Variants in STPG2 observed in about 807,000 individuals in gnomAD.
STPG2 encodes the protein sperm-tail PG-rich repeat-containing protein 2.
Under a neutral mutation model 54.2 loss-of-function variants are expected in STPG2, and 56 were observed. The ratio of observed to expected loss-of-function variants is 1.03; its 90% confidence interval spans 0.83 to 1.29. STPG2 has a LOEUF of 1.29. Ranked by LOEUF, STPG2 falls within the 50% of genes most tolerant of loss-of-function variation. The probability of loss-of-function intolerance (pLI) is 0.00; values close to 1 mark genes in which losing one functional copy is unlikely to be tolerated. For missense variants in STPG2, 596 were observed against 544.9 expected, an observed-to-expected ratio of 1.09 and a Z score of -0.93; for synonymous variants, 200 against 181.8, an observed-to-expected ratio of 1.10 and a Z score of -0.81.
intron 8 of STPG2, among the ~76,000 whole-genome samples, chr4:97,888,136 G>A (rs1730646451): frequency 6.6e-6 from 1 of 152,190 alleles, no homozygotes; most frequent in Non-Finnish European, 1.5e-5. Flanking sequence ...AGCCTCAAAG[G>A]GAACCCCTAC....
chr4:98,080,033 TTACATTA>T (rs1738295563), intron 5 of STPG2, among the ~76,000 whole-genome samples: 1 of 152,094 alleles, frequency 6.6e-6, no homozygotes, highest in African/African-American at 2.4e-5. Flanking sequence ...AAAATATGTA[TTACATTA>T]TACCTAAGCT....
chr4:97,568,900 GTT>G lies in STPG2; in HGVS notation c.1321-9785_1321-9784del, dbSNP rs70953073. Among the ~76,000 whole-genome samples the G allele has an allele frequency of 1.2e-4, 17 of 143,792 alleles. No homozygotes were observed. In the Middle Eastern group the frequency reaches 0.014, roughly 121 times the overall value. The allele number at this position is 143,792 out of a possible 152,430, so 94.3% of individuals were successfully genotyped here. A position where few individuals can be genotyped will look rare whatever the true frequency, so the allele number is the denominator to read the frequency against. On this transcript the variant is annotated intron_variant, in intron 10 of 10. Coordinates refer to ENST00000295268, the MANE Select transcript of STPG2 (RefSeq NM_174952.3). ...TTTTCTTTCTTTTGTTTTTTGTTTT[GTT>G]TTTTTTTTTGTTTGTTTGTTTTGTT...
chr4:97,765,111 G>T (rs1206166846), intron 9 of STPG2, among the ~76,000 whole-genome samples: 1 of 152,056 alleles, frequency 6.6e-6, no homozygotes. Context: ...TTTTTGGAAT[G>T]GTCATGAGGA....
intron 5 of STPG2, among the ~76,000 whole-genome samples, chr4:98,043,516 C>A (rs1737029456): frequency 1.3e-5 from 2 of 151,992 alleles, no homozygotes; most frequent in South Asian, 2.1e-4. Context: ...AAGGGGCTTA[C>A]ATAAAATATT....
chr4:97,606,601 G>GA (rs149902792), intron 10 of STPG2, among the ~76,000 whole-genome samples: 1 of 151,980 alleles, frequency 6.6e-6, no homozygotes, highest in East Asian at 1.9e-4. Context: ...TTCACTGGCT[G>GA]TTTTTATTTC....
At position 97,622,476 on chromosome 4, in the gene STPG2, T is replaced by C. The variant is rs143781580; in HGVS notation, c.1321-63359A>G. On this transcript the variant is annotated intron_variant, in intron 10 of 10. Transcript: ENST00000295268. ...AAAAACAGCATTCCTATACACAACA[T>C]ATAAGCTGACAGCCAAATCAAGAAT... Among the ~76,000 whole-genome samples, 1,361 of 152,050 alleles carry C rather than the reference T, an allele frequency of 9.0e-3. 16 individuals are homozygous for C. Among genetic ancestry groups the C allele is most frequent in the African/African-American group, 0.032 (1,308 of 41,476 alleles).
intron 10 of STPG2, among the ~76,000 whole-genome samples, chr4:97,599,084 C>T (rs1733384072): frequency 6.6e-6 from 1 of 152,044 alleles, no homozygotes; most frequent in Non-Finnish European, 1.5e-5. Context: ...CCAAGTAACC[C>T]CATTGAAAGT....
rs114692146 is a variant in STPG2 at position 97,899,021 on chromosome 4, G to C, written c.1044+44876C>G. Reference sequence around the variant, plus strand: ...AAGGGCATCCAAAAGGAACAGAGAGGAAGTCAAACTATCTCTGTTTGCAAA... The same window carrying C: ...AAGGGCATCCAAAAGGAACAGAGAGCAAGTCAAACTATCTCTGTTTGCAAA... On this transcript the variant is annotated intron_variant, in intron 8 of 10. Transcript: ENST00000295268. Among the ~76,000 whole-genome samples, 484 of 151,732 alleles carry C rather than the reference G, an allele frequency of 3.2e-3. 4 individuals carry two copies. Among genetic ancestry groups the C allele is most frequent in the African/African-American group, 0.011 (470 of 41,476 alleles).
chr4:97,870,233 A>G (rs984412637), intron 8 of STPG2, among the ~76,000 whole-genome samples: 66 of 151,580 alleles, frequency 4.4e-4, no homozygotes, highest in Non-Finnish European at 6.5e-4. Flanking sequence ...TATGGACAGG[A>G]AAAAGAAAGC....
chr4:97,555,376 G>A (rs544167334), downstream of STPG2, among the ~76,000 whole-genome samples: 1 of 152,166 alleles, frequency 6.6e-6, no homozygotes, highest in Admixed American at 6.5e-5. Context: ...ACTGGGAGGA[G>A]AAAATTATTT....
At chr4:97,628,054 G>A (rs768075366) in intron 10 of STPG2, among the ~76,000 whole-genome samples, 1 of 152,074 alleles carries the variant, frequency 6.6e-6, no homozygotes, top group Non-Finnish European at 1.5e-5. Flanking sequence ...GCTAATCTCA[G>A]CCAGAAACAC....
intron 8 of STPG2, among the ~76,000 whole-genome samples, chr4:97,942,492 T>C (rs1055431301): frequency 6.4e-5 from 7 of 109,902 alleles, no homozygotes; most frequent in African/African-American, 2.2e-4. Context: ...GATTTTAAAC[T>C]GTCTTTTGAA....
intron 4 of STPG2, among the ~76,000 whole-genome samples, chr4:97,539,364 G>C (rs575834235): frequency 1.3e-5 from 2 of 151,550 alleles, no homozygotes; most frequent in East Asian, 3.9e-4. Flanking sequence ...CAAGCAAATG[G>C]AAAACAAAAA....
At chr4:97,933,385 A>AT (rs1732623175) in intron 8 of STPG2, among the ~76,000 whole-genome samples, 1 of 151,796 alleles carries the variant, frequency 6.6e-6, no homozygotes, top group South Asian at 2.1e-4. Flanking sequence ...CCAATTGTCA[A>AT]TTTTTTCTTT....
chr4:98,081,176 A>C (rs914864099), intron 5 of STPG2, among the ~76,000 whole-genome samples: 2 of 152,222 alleles, frequency 1.3e-5, no homozygotes. Flanking sequence ...AAGGGTGTTG[A>C]CACAGAATTA....
intron 4 of STPG2, among the ~76,000 whole-genome samples, chr4:97,509,985 T>C (rs938999517): frequency 6.6e-6 from 1 of 152,002 alleles, no homozygotes; most frequent in African/African-American, 2.4e-5. Context: ...GGAAAAATTG[T>C]CTTCCACGAA....
At chr4:97,576,115 T>C (rs542824093) in intron 10 of STPG2, among the ~76,000 whole-genome samples, 8 of 152,034 alleles carry the variant, frequency 5.3e-5, no homozygotes, top group Admixed American at 3.3e-4. Context: ...TCATAGATGA[T>C]ATAAACAAAT....
At chr4:97,543,299 T>C (rs977318877) in intron 4 of STPG2, among the ~76,000 whole-genome samples, 1 of 151,812 alleles carries the variant, frequency 6.6e-6, no homozygotes, top group Admixed American at 6.6e-5. Flanking sequence ...TTCTGACTTA[T>C]TATTAAAGAG....
chr4:97,732,266 A>G (rs1724825089), intron 9 of STPG2, among the ~76,000 whole-genome samples: 1 of 152,078 alleles, frequency 6.6e-6, no homozygotes. Flanking sequence ...TGCCCATTCA[A>G]ATTTCTATGG....
Sources: allele counts gnomAD v4.1 joint callset (sites outside exome capture counted in the v4.1 genomes callset), GRCh38; gene constraint gnomAD v4.1.1; transcripts MANE v1.5; gene names NCBI Gene and HGNC (gene_info 2026-07-23, HGNC 2026-07-21).